SF3B3: variants seen among roughly 807,000 people sequenced by gnomAD.
SF3B3 encodes the protein splicing factor 3b subunit 3.
Under a neutral mutation model 139.2 loss-of-function variants are expected in SF3B3, and 33 were observed. The observed-to-expected ratio is 0.24, with a 90% CI of 0.18 to 0.32. The LOEUF is 0.32. Among genes scored for constraint, SF3B3 ranks in the 10% least tolerant of loss-of-function variants. The probability of loss-of-function intolerance (pLI) is 1.00; values close to 1 mark genes in which losing one functional copy is unlikely to be tolerated. For missense variants in SF3B3, 818 were observed against 1,509.4 expected, an observed-to-expected ratio of 0.54 and a Z score of 7.59; for synonymous variants, 596 against 563.6, an observed-to-expected ratio of 1.06 and a Z score of -0.81.
chr16:70,544,205 C>A (rs1209991368), intron 9 of SF3B3, among the ~76,000 whole-genome samples: 12 of 152,152 alleles, frequency 7.9e-5, no homozygotes, highest in Non-Finnish European at 1.5e-5. Flanking sequence ...TCAGTACTCA[C>A]ATGTGCGTCT....
intron 11 of SF3B3, chr16:70,550,053 G>C (rs1331591981): frequency 6.6e-6 from 1 of 152,024 alleles, no homozygotes; most frequent in Non-Finnish European, 1.5e-5. Flanking sequence ...GAATATCCTG[G>C]CTTCTGAATC....
intron 10 of SF3B3, among the ~76,000 whole-genome samples, chr16:70,545,752 A>C (rs1484916862): frequency 6.6e-6 from 1 of 152,134 alleles, no homozygotes; most frequent in Non-Finnish European, 1.5e-5. Flanking sequence ...TGTTAAATGG[A>C]CTTAATAATG....
intron 15 of SF3B3, 89 bp from the exon 16 acceptor site, chr16:70,560,380 T>G (rs2050417886): frequency 2.2e-6 from 3 of 1,374,780 alleles, no homozygotes; most frequent in African/African-American, 2.9e-5. Flanking sequence ...CTGCTCTAAT[T>G]TCTTATGTGA....
At chr16:70,538,168 G>A (rs2050186510) in intron 6 of SF3B3, 155 bp from the exon 7 acceptor site, 1 of 767,460 alleles carries the variant, frequency 1.3e-6, no homozygotes, top group Admixed American at 1.8e-5. Flanking sequence ...TTTGAGCTGT[G>A]GGGTTCCAGT....
chr16:70,558,260 A>C (rs2050396284), intron 15 of SF3B3, among the ~76,000 whole-genome samples: 1 of 139,798 alleles, frequency 7.2e-6, no homozygotes, highest in South Asian at 2.4e-4. Flanking sequence ...ACAGGAAAAA[A>C]GTAATTTTAA....
chr16:70,553,321 T>A (rs1026789787), intron 11 of SF3B3, among the ~76,000 whole-genome samples: 1 of 151,964 alleles, frequency 6.6e-6, no homozygotes, highest in Non-Finnish European at 1.5e-5. Flanking sequence ...TTTGAAGTCA[T>A]CAGAACCAAA....
At chr16:70,557,658 A>T (rs2050391096) in intron 15 of SF3B3, among the ~76,000 whole-genome samples, 1 of 151,848 alleles carries the variant, frequency 6.6e-6, no homozygotes, top group African/African-American at 2.4e-5. Flanking sequence ...GGTTGTTGTT[A>T]TTTTTTTAGT....
intron 5 of SF3B3, among the ~76,000 whole-genome samples, chr16:70,533,813 T>C (rs2050143345): frequency 6.6e-6 from 1 of 152,254 alleles, no homozygotes; most frequent in Non-Finnish European, 1.5e-5. Context: ...CCTTTGTTAA[T>C]ACGTTAAGCA....
At chr16:70,526,869 TAAG>T in intron 2 of SF3B3, 143 bp downstream of exon 2, 1 of 633,168 alleles carries the variant, frequency 1.6e-6, no homozygotes, top group South Asian at 1.9e-5. Context: ...GATGAGGTGT[TAAG>T]TTCTGGTGCA....
At position 70,565,232 on chromosome 16, in the gene SF3B3, G is replaced by A. The variant is rs2050464185; in HGVS notation, c.2631G>A (p.Leu877=). 1.9e-6 allele frequency: 3 copies of A among 1,614,106 alleles called. No individual in the cohort carries two copies. Among genetic ancestry groups the A allele is most frequent in the Non-Finnish European group, 2.5e-6 (3 of 1,180,056 alleles). ...RVMNPIQGNT[L]DLVQLEQNEA... ...TGAATCCCATTCAAGGGAACACACT[G>A]GACCTTGTCCAGCTGGAACAGAATG... The change falls in exon 19 of 26, where the codon CTG becomes CTA. Residue 877 remains leucine, a synonymous_variant. Transcript: ENST00000302516.
intron 4 of SF3B3, among the ~76,000 whole-genome samples, chr16:70,531,703 T>C (rs558867240): frequency 1.1e-4 from 17 of 152,362 alleles, no homozygotes; most frequent in African/African-American, 3.8e-4. Context: ...TTAAGTAATC[T>C]CCCTATGGAA....
At chr16:70,545,738 C>A (rs890397163) in intron 10 of SF3B3, among the ~76,000 whole-genome samples, 2 of 152,020 alleles carry the variant, frequency 1.3e-5, no homozygotes, top group Non-Finnish European at 2.9e-5. Context: ...GTTTTTGTTT[C>A]TTCTGTTAAA....
chr16:70,568,972 G>A (rs2050503033), intron 22 of SF3B3, 71 bp from the exon 23 acceptor site: 1 of 1,115,986 alleles, frequency 9.0e-7, no homozygotes, highest in Admixed American at 2.1e-5. Context: ...GACCTGGCCA[G>A]ACCTGTTGCT....
intron 10 of SF3B3, among the ~76,000 whole-genome samples, chr16:70,547,162 C>T (rs1223472967): frequency 1.3e-5 from 2 of 152,160 alleles, no homozygotes; most frequent in African/African-American, 2.4e-5. Context: ...TTGGTATAGA[C>T]TATAGCATAG....
chr16:70,536,261 G>A (rs1028994730), intron 6 of SF3B3, among the ~76,000 whole-genome samples: 2 of 151,688 alleles, frequency 1.3e-5, no homozygotes, highest in African/African-American at 2.4e-5. Flanking sequence ...TCTGCCCCCC[G>A]GGTTCAAGTG....
intron 6 of SF3B3, among the ~76,000 whole-genome samples, chr16:70,536,923 A>G (rs2151779546): frequency 6.9e-6 from 1 of 145,710 alleles, no homozygotes; most frequent in African/African-American, 2.6e-5. Context: ...TGATCCTTCC[A>G]TCTCAGCCTC....
chr16:70,554,354 G>T, intron 11 of SF3B3, 92 bp from the exon 12 acceptor site: 2 of 1,233,668 alleles, frequency 1.6e-6, no homozygotes, highest in South Asian at 2.7e-5. Context: ...GAACTGCCTT[G>T]GAAGGTTTCT....
chr16:70,552,491 T>C (rs1409577965), intron 11 of SF3B3, among the ~76,000 whole-genome samples: 1 of 152,234 alleles, frequency 6.6e-6, no homozygotes, highest in African/African-American at 2.4e-5. Context: ...CTTACTTGTT[T>C]TATGATAGTG....
At chr16:70,545,936 A>T (rs1379534133) in intron 10 of SF3B3, among the ~76,000 whole-genome samples, 1 of 152,182 alleles carries the variant, frequency 6.6e-6, no homozygotes, top group Non-Finnish European at 1.5e-5. Flanking sequence ...CAAAATTTCA[A>T]TGACTCAGAC....
Sources: allele counts gnomAD v4.1 joint callset (sites outside exome capture counted in the v4.1 genomes callset), GRCh38; gene constraint gnomAD v4.1.1; transcripts MANE v1.5; gene names NCBI Gene and HGNC (gene_info 2026-07-23, HGNC 2026-07-21).